The following CELSR1 variants were observed in gnomAD, a reference collection of about 807,000 sequenced individuals.
CELSR1 encodes adhesion G protein-coupled receptor C1.
CELSR1 carries 110 observed loss-of-function variants against 249.1 expected under a neutral mutation model. The ratio of observed to expected loss-of-function variants is 0.44; its 90% CI spans 0.38 to 0.52. CELSR1 has a LOEUF of 0.52. Ranked by LOEUF, CELSR1 falls within the 20% of genes least tolerant of loss-of-function variation. The probability of loss-of-function intolerance (pLI) is 0.00; values close to 1 mark genes in which losing one functional copy is unlikely to be tolerated. For synonymous variants in CELSR1, 2,113 were observed against 1,900.0 expected, an observed-to-expected ratio of 1.11 and a Z score of -2.92; for missense variants, 4,109 against 4,296.4, an observed-to-expected ratio of 0.96 and a Z score of 1.22.
At chr22:46,418,142 G>T (rs1280968569) in intron 5 of CELSR1, among the ~76,000 whole-genome samples, 1 of 152,218 alleles carries the variant, frequency 6.6e-6, no homozygotes, top group African/African-American at 2.4e-5. Context: ...CATGCAAGTG[G>T]TTTTCTCAAG....
chr22:46,462,793 C>G (rs144888816), intron 2 of CELSR1: 220 of 366,908 alleles, frequency 6.0e-4, no homozygotes, highest in African/African-American at 4.2e-3. Context: ...CTGTACCGCT[C>G]TCGGGGTGGC....
rs1405294731 is a variant in CELSR1 at position 46,518,635 on chromosome 22, G to C, written c.3544+14992C>G. The stretch of plus-strand genomic sequence containing the variant: ...GAAGATATAAATTAAGATGGGGCCA[G>C]GCACGGTGGCCCACGCCTGTAATCC... On this transcript the variant is annotated intron_variant, in intron 1 of 34. Transcript: ENST00000674500. The surrounding 1 kb of genome is among the most constrained non-coding windows in gnomAD (Gnocchi z 5.2). 3.9e-5 allele frequency among the ~76,000 whole-genome samples: 6 copies of C among 152,230 alleles called. No individual in the cohort carries two copies. Among genetic ancestry groups the C allele is most frequent in the African/African-American group, 1.4e-4 (6 of 41,464 alleles).
At position 46,382,024 on chromosome 22, in the gene CELSR1, G is replaced by A. The variant is rs766557069; in HGVS notation, c.6910C>T (p.Arg2304Trp). 8.9e-5 allele frequency: 138 copies of A among 1,549,732 alleles called. No individual in the cohort carries two copies. Among genetic ancestry groups the A allele is most frequent in the Non-Finnish European group, 1.1e-4 (121 of 1,147,772 alleles). ...CGCGTGGTCTGCGGGGTGGTCCTCC[G>A]GCCAGCCGGCCTCAGCAGGGGGCCT... ...KEGPLLRPAGRRTTPQTTRPG... is the reference protein window; with the variant it reads ...KEGPLLRPAGWRTTPQTTRPG... The change falls in exon 21 of 35, where the codon CGG (arginine) becomes TGG (tryptophan). Residue 2304 changes from arginine to tryptophan, a missense_variant. By Grantham distance (101) the Arg-to-Trp change is moderately radical (BLOSUM62 -3). This residue lies in a region of CELSR1 where 1,805 missense variants were observed against 1,831.6 expected (regional missense o/e 0.99). Coordinates refer to ENST00000674500, the MANE Select transcript of CELSR1 (RefSeq NM_001378328.1).
chr22:46,458,949 C>A (rs1254410718), intron 2 of CELSR1, among the ~76,000 whole-genome samples: 2 of 152,020 alleles, frequency 1.3e-5, no homozygotes, highest in African/African-American at 4.8e-5. Flanking sequence ...CTGGAGTGCA[C>A]TGGCATGATC....
chr22:46,425,435 T>C (rs2079525974), intron 5 of CELSR1, among the ~76,000 whole-genome samples: 1 of 152,238 alleles, frequency 6.6e-6, no homozygotes, highest in Admixed American at 6.5e-5. Flanking sequence ...TTTGGGAATG[T>C]TAAACTACAA....
chr22:46,492,574 A>G (rs1212696759), intron 1 of CELSR1, among the ~76,000 whole-genome samples: 1 of 152,210 alleles, frequency 6.6e-6, no homozygotes. Context: ...CTGTAAACCC[A>G]GCACTTTGGG....
chr22:46,500,995 TTTA>T lies in CELSR1; in HGVS notation c.3544+32629_3544+32631del, dbSNP rs928585276. Among the ~76,000 whole-genome samples, 188 of 151,714 alleles carry T rather than the reference TTTA, an allele frequency of 1.2e-3. 1 individual carries two copies. Among genetic ancestry groups the T allele is most frequent in the African/African-American group, 4.2e-3 (175 of 41,346 alleles). On this transcript the variant is annotated intron_variant, in intron 1 of 34. Coordinates refer to ENST00000674500, the MANE Select transcript of CELSR1 (RefSeq NM_001378328.1). The surrounding 1 kb of genome is among the most constrained non-coding windows in gnomAD (Gnocchi z 4.9). ...GTTAAGATGTTTCCACTAAGAAAAG[TTTA>T]TTTATTTATTTATTTTATTTTATTT... is the stretch of plus-strand genomic sequence containing the variant.
intron 32 of CELSR1, among the ~76,000 whole-genome samples, chr22:46,365,009 C>T (rs2078751428): frequency 6.6e-6 from 1 of 152,220 alleles, no homozygotes; most frequent in Non-Finnish European, 1.5e-5. Flanking sequence ...TCCACAGAGA[C>T]CCCCCTGAGA....
intron 2 of CELSR1, among the ~76,000 whole-genome samples, chr22:46,458,494 T>G (rs750308113): frequency 1.1e-4 from 17 of 152,148 alleles, no homozygotes; most frequent in Non-Finnish European, 2.2e-4. Flanking sequence ...GGCAGCGTCA[T>G]TAGGTCATGG....
At chr22:46,422,775 A>C (rs1158383127) in intron 5 of CELSR1, among the ~76,000 whole-genome samples, 1 of 151,424 alleles carries the variant, frequency 6.6e-6, no homozygotes, top group African/African-American at 2.4e-5. Flanking sequence ...TCAAAAAAAA[A>C]AAAAATGGCT....
In CELSR1 at chr22:46,411,529, G is replaced by A; in HGVS notation, c.4769+73C>T. The A allele has an allele frequency of 1.3e-6, 2 of 1,569,964 alleles. No homozygotes were observed. The highest frequency in any genetic ancestry group is 1.7e-6 in the Non-Finnish European group (2 of 1,153,458). ...ACCCAGAGTGCCTACGTGGGGCCCT[G>A]CCCTGGGAAGGCCGCAGGGTGAGCA... On this transcript the variant is annotated intron_variant, in intron 6 of 34. Transcript: ENST00000674500. This position sits in a 1 kb window ranked among gnomAD's most constrained non-coding sequence, Gnocchi z 4.2.
Position 46,526,694 on chromosome 22 carries a change from G to A in CELSR1, c.3544+6933C>T, listed in dbSNP as rs965353954. Reference sequence around the variant, plus strand: ...CCCTCCCCTGCACGTGGTTATTCCTGCTCCAGCTCCCAAGCAGACTGTTCC... The same window carrying A: ...CCCTCCCCTGCACGTGGTTATTCCTACTCCAGCTCCCAAGCAGACTGTTCC... On this transcript the variant is annotated intron_variant, in intron 1 of 34. Transcript: ENST00000674500. This position sits in a 1 kb window ranked among gnomAD's most constrained non-coding sequence, Gnocchi z 4.7. Among the ~76,000 whole-genome samples the A allele has an allele frequency of 6.6e-6, 1 of 152,124 alleles. No homozygotes were observed.
chr22:46,391,668 T>C lies in CELSR1; in HGVS notation c.6113A>G (p.Asn2038Ser), dbSNP rs756775379. Reference sequence around the variant, plus strand: ...GAGCGTGGTGACCTCGGCAAACGGGTTGTCGCAGCGGTTGCACTGGCGGCC... The same window carrying C: ...GAGCGTGGTGACCTCGGCAAACGGGCTGTCGCAGCGGTTGCACTGGCGGCC... ...VIGRQCNRCD[N>S]PFAEVTTLGC... The change falls in exon 15 of 35, where the codon AAC (asparagine) becomes AGC (serine). Residue 2038 changes from asparagine (N) to serine (S), a missense_variant. Physicochemically the swap from Asn to Ser is conservative, Grantham distance 46. Coordinates refer to ENST00000674500, the MANE Select transcript of CELSR1 (RefSeq NM_001378328.1). This position sits in a 1 kb window ranked among gnomAD's most constrained non-coding sequence, Gnocchi z 4.3. The C allele has an allele frequency of 1.9e-6, 3 of 1,607,224 alleles. No individual in the cohort carries two copies. The highest frequency in any genetic ancestry group is 2.2e-5 in the South Asian group (2 of 90,482).
At chr22:46,483,098 C>T (rs1434101490) in intron 1 of CELSR1, among the ~76,000 whole-genome samples, 1 of 152,140 alleles carries the variant, frequency 6.6e-6, no homozygotes, top group African/African-American at 2.4e-5. Context: ...AGGACTTAAG[C>T]AGGAAAGACA....
rs1313335194 is a variant in CELSR1 at position 46,464,601 on chromosome 22, G to A, written c.3545-256C>T. On this transcript the variant is annotated intron_variant, in intron 1 of 34. Transcript: ENST00000674500. This position sits in a 1 kb window ranked among gnomAD's most constrained non-coding sequence, Gnocchi z 8.5. ...CCCTGCCCTGGCTTCCTAAAGCACA[G>A]CTCCGATCACATCTTTCTCTGGCTC... Among the ~76,000 whole-genome samples, 1 of 151,808 alleles carries A rather than the reference G, an allele frequency of 6.6e-6. No homozygotes were observed. Among genetic ancestry groups the A allele is most frequent in the African/African-American group, 2.4e-5 (1 of 41,296 alleles).
In CELSR1 at chr22:46,417,138, A is replaced by G; in HGVS notation, c.4612-5379T>C. On this transcript the variant is annotated intron_variant, in intron 5 of 34. Transcript: ENST00000674500. This position sits in a 1 kb window ranked among gnomAD's most constrained non-coding sequence, Gnocchi z 4.1. ...TGAACGTTCCATGCTGTCATTTCTCAAGATGACAAAGTTCAGGCCTGTCTG... is the reference window on the plus strand; with the variant it reads ...TGAACGTTCCATGCTGTCATTTCTCGAGATGACAAAGTTCAGGCCTGTCTG... Among the ~76,000 whole-genome samples the G allele has an allele frequency of 6.6e-6, 1 of 152,310 alleles. No homozygotes were observed. The highest frequency in any genetic ancestry group is 2.4e-5 in the African/African-American group (1 of 41,598).
intron 2 of CELSR1, among the ~76,000 whole-genome samples, chr22:46,457,381 G>T (rs2079968554): frequency 6.6e-6 from 1 of 152,016 alleles, no homozygotes; most frequent in African/African-American, 2.4e-5. Context: ...AGCCCCTGGG[G>T]TCCTAAAAGC....
At chr22:46,444,204 T>C (rs1476138371) in intron 2 of CELSR1, among the ~76,000 whole-genome samples, 1 of 152,240 alleles carries the variant, frequency 6.6e-6, no homozygotes, top group Non-Finnish European at 1.5e-5. Context: ...GGCTGGAAGA[T>C]TCGGCTTCTC....
chr22:46,505,563 T>G (rs1018665732), intron 1 of CELSR1, among the ~76,000 whole-genome samples: 8 of 152,038 alleles, frequency 5.3e-5, no homozygotes, highest in African/African-American at 1.9e-4. Context: ...GAGGCTGCAC[T>G]GAGTCAAGAT....
Sources: gnomAD v4.1 joint callset for allele counts (sites outside exome capture counted in the v4.1 genomes callset) on GRCh38, gnomAD v4.1.1 for gene constraint, gnomAD v4.1.1 regional missense constraint, Gnocchi (gnomAD v3.1) non-coding constraint, MANE v1.5 for transcripts, NCBI Gene and HGNC (gene_info 2026-07-23, HGNC 2026-07-21) for gene names.